SLC12A7: variants seen among roughly 807,000 people sequenced by gnomAD.
SLC12A7 encodes K-Cl cotransporter 4.
In SLC12A7, 100 loss-of-function variants were observed where a neutral mutation model predicts 120.6. The ratio of observed to expected loss-of-function variants is 0.83; its 90% CI spans 0.71 to 0.98. SLC12A7 has a LOEUF of 0.98. Among genes scored for constraint, SLC12A7 ranks in the 50% least tolerant of loss-of-function variants. The pLI, the probability that SLC12A7 is intolerant of heterozygous loss-of-function variation, is 0.00. For missense variants in SLC12A7, 1,373 were observed against 1,548.1 expected (o/e 0.89, Z 1.90); for synonymous variants, 760 against 678.0 (o/e 1.12, Z -1.88).
In SLC12A7 at chr5:1,055,258, GAC is replaced by G. The variant is rs1170202599; in HGVS notation, c.3027-1778_3027-1777del. Reference sequence around the variant, plus strand: ...CAGTCACAATGTGCAAATGCGTGCAGACACACTAACATGTAAGACATGCATAG... The same window carrying G: ...CAGTCACAATGTGCAAATGCGTGCAGACACTAACATGTAAGACATGCATAG... On this transcript the variant is annotated intron_variant, in intron 22 of 23. Transcript: ENST00000264930. 6.6e-5 allele frequency among the ~76,000 whole-genome samples: 10 copies of G among 152,356 alleles called. No individual in the cohort carries two copies. The East Asian group carries it at 9.6e-4, about 15-fold the overall frequency.
At chr5:1,120,836 G>T in the SLC12A7 span, among the ~76,000 whole-genome samples, 1 of 152,200 alleles carries the variant, frequency 6.6e-6, no homozygotes, top group Non-Finnish European at 1.5e-5. Context: ...TCACCCTGGG[G>T]TGCACACCAG....
chr5:1,077,111 G>A (rs1384176263), intron 12 of SLC12A7, among the ~76,000 whole-genome samples: 3 of 147,674 alleles, frequency 2.0e-5, no homozygotes, highest in Non-Finnish European at 4.5e-5. Flanking sequence ...CGTCTCCAGG[G>A]CACTCGCGGT....
chr5:1,078,024 AGGCGGGCG>A lies in SLC12A7; in HGVS notation c.1455-25_1455-18del, dbSNP rs769368510. The stretch of plus-strand genomic sequence containing the variant: ...TCCCCGAACCTGCAGGCAGGCGGGC[AGGCGGGCG>A]GGCGGCTTTCAGAAGTGAGCCTGAG... On this transcript the variant is annotated intron_variant, in intron 11 of 23. Coordinates refer to ENST00000264930, the MANE Select transcript of SLC12A7 (RefSeq NM_006598.3). 3 of 1,540,708 alleles carry A rather than the reference AGGCGGGCG, an allele frequency of 1.9e-6. No homozygotes were observed. The highest frequency in any genetic ancestry group is 2.6e-6 in the Non-Finnish European group (3 of 1,142,810).
upstream of SLC12A7, among the ~76,000 whole-genome samples, chr5:1,115,704 C>T (rs866275634): frequency 6.6e-6 from 1 of 152,092 alleles, no homozygotes; most frequent in African/African-American, 2.4e-5. Context: ...CACTCCTTCT[C>T]ACCAGAAAGC....
chr5:1,097,844 C>T (rs1225339557), intron 1 of SLC12A7, among the ~76,000 whole-genome samples: 3 of 152,112 alleles, frequency 2.0e-5, no homozygotes, highest in African/African-American at 7.3e-5. Flanking sequence ...GAACGCATCT[C>T]CCCTCACTTT....
chr5:1,117,854 G>A, the SLC12A7 span, among the ~76,000 whole-genome samples: 25 of 152,182 alleles, frequency 1.6e-4, no homozygotes, highest in Non-Finnish European at 2.9e-4. This position sits in a 1 kb window ranked among gnomAD's most constrained non-coding sequence, Gnocchi z 4.5. Context: ...GGTGGATCAC[G>A]AGGTCAGGAG....
At chr5:1,106,723 C>T (rs1341456717) in intron 1 of SLC12A7, among the ~76,000 whole-genome samples, 2 of 152,322 alleles carry the variant, frequency 1.3e-5, no homozygotes, top group Non-Finnish European at 2.9e-5. Context: ...AACAGGATCT[C>T]GGGACCCAAA....
In SLC12A7 at chr5:1,081,686, G is replaced by A. The variant is rs781366882; in HGVS notation, c.1188C>T (p.Pro396=). Residue 396 remains proline, a synonymous_variant, in exon 9 of 24, where the codon CCC becomes CCT. Transcript: ENST00000264930. ...GGCTCTCCTCTGCCACGGGCACCGA[G>A]GGCACACCTTTCTTCTCCACAAACG... ...AGAFVEKKGV[P]SVPVAEESRA... 1.9e-6 allele frequency: 3 copies of A among 1,613,126 alleles called. No individual in the cohort carries two copies. The highest frequency in any genetic ancestry group is 2.2e-5 in the East Asian group (1 of 44,870).
chr5:1,094,371 T>A, intron 1 of SLC12A7, 123 bp from the exon 2 acceptor site: 1 of 719,460 alleles, frequency 1.4e-6, no homozygotes, highest in Non-Finnish European at 2.5e-6. Flanking sequence ...AAACCATGGC[T>A]AAGGGTGATA....
At chr5:1,144,205 A>C in the SLC12A7 span, among the ~76,000 whole-genome samples, 2 of 151,924 alleles carry the variant, frequency 1.3e-5, no homozygotes, top group Admixed American at 6.5e-5. Flanking sequence ...AACCTCAGGG[A>C]GGGGAAGTTG....
At chr5:1,084,557 T>G (rs1414968363) in intron 7 of SLC12A7, among the ~76,000 whole-genome samples, 17 of 152,196 alleles carry the variant, frequency 1.1e-4, no homozygotes, top group Non-Finnish European at 2.2e-4. Flanking sequence ...CACAGGGCCG[T>G]AGCGTCAAGC....
At chr5:1,091,616 C>G (rs958958926) in intron 3 of SLC12A7, among the ~76,000 whole-genome samples, 14 of 152,194 alleles carry the variant, frequency 9.2e-5, no homozygotes, top group Non-Finnish European at 1.6e-4. Context: ...ATGCGTGAAA[C>G]CCCAGAAAGG....
At chr5:1,087,965 G>C (rs377529394) in intron 5 of SLC12A7, among the ~76,000 whole-genome samples, 1 of 152,096 alleles carries the variant, frequency 6.6e-6, no homozygotes, top group Non-Finnish European at 1.5e-5. Context: ...ACCTTCCCTC[G>C]TGAGATACAG....
chr5:1,125,689 C>T, the SLC12A7 span, among the ~76,000 whole-genome samples: 2 of 152,138 alleles, frequency 1.3e-5, no homozygotes, highest in Non-Finnish European at 2.9e-5. Flanking sequence ...TTTTGGGAGG[C>T]CGAGGCGAGC....
At chr5:1,080,235 GACACCA>G (rs1561068555) in intron 9 of SLC12A7, among the ~76,000 whole-genome samples, 1 of 95,768 alleles carries the variant, frequency 1.0e-5, no homozygotes, top group Admixed American at 9.3e-5. Flanking sequence ...GCGGCGCGGA[GACACCA>G]GGAGCCACGC....
At position 1,059,428 on chromosome 5, in the gene SLC12A7, G is replaced by A. The variant is rs914847023; in HGVS notation, c.2847+916C>T. Among the ~76,000 whole-genome samples, 11 of 152,214 alleles carry A rather than the reference G, an allele frequency of 7.2e-5. No homozygotes were observed. The East Asian group carries it at 7.7e-4, about 11-fold the overall frequency. On this transcript the variant is annotated intron_variant, in intron 21 of 23. Transcript: ENST00000264930. ...CAAATCCCCTGCCCCTGCCTCCGCC[G>A]TCACTGCAGTCTCAGAAAACCAACA...
intron 1 of SLC12A7, among the ~76,000 whole-genome samples, chr5:1,095,823 G>A (rs548607072): frequency 3.9e-5 from 6 of 152,346 alleles, no homozygotes; most frequent in Admixed American, 6.5e-5. Context: ...GGGGGCAGGC[G>A]GGCAGCACGT....
the SLC12A7 span, among the ~76,000 whole-genome samples, chr5:1,147,071 A>C: frequency 2.6e-5 from 4 of 152,184 alleles, no homozygotes; most frequent in Admixed American, 2.6e-4. Flanking sequence ...GCCTCCATCC[A>C]TGTGGCAGTG....
chr5:1,091,970 G>A (rs1740575513), intron 3 of SLC12A7, among the ~76,000 whole-genome samples: 1 of 152,188 alleles, frequency 6.6e-6, no homozygotes, highest in African/African-American at 2.4e-5. Flanking sequence ...CCCAGCAGGG[G>A]AACCAGAAAG....
Sources: gnomAD v4.1 joint callset for allele counts (sites outside exome capture counted in the v4.1 genomes callset) on GRCh38, gnomAD v4.1.1 for gene constraint, Gnocchi (gnomAD v3.1) non-coding constraint, MANE v1.5 for transcripts, NCBI Gene and HGNC (gene_info 2026-07-23, HGNC 2026-07-21) for gene names.